The following IQSEC3 variants were observed in gnomAD, a reference collection of about 807,000 sequenced individuals.
The protein encoded by IQSEC3 is IQ motif and SEC7 domain-containing protein 3.
IQSEC3 carries 50 observed loss-of-function variants against 105.4 expected under a neutral mutation model. The observed-to-expected ratio is 0.47, with a 90% confidence interval of 0.38 to 0.60. The LOEUF is 0.60. IQSEC3 is among the 20% of genes least tolerant of loss of function. The pLI, the probability that IQSEC3 is intolerant of heterozygous loss-of-function variation, is 0.00. For missense variants in IQSEC3, 1,415 were observed against 1,630.0 expected (o/e 0.87, Z 2.27); for synonymous variants, 708 against 746.0 (o/e 0.95, Z 0.83).
At chr12:162,181 T>A in intron 8 of IQSEC3, 116 bp downstream of exon 8, 1 of 1,216,330 alleles carries the variant, frequency 8.2e-7, no homozygotes, top group Non-Finnish European at 1.2e-6. Flanking sequence ...ATTCACATGA[T>A]AGTTATGAAG....
intron 2 of IQSEC3, among the ~76,000 whole-genome samples, chr12:101,953 C>T (rs1864435781): frequency 6.6e-6 from 1 of 152,220 alleles, no homozygotes; most frequent in South Asian, 2.1e-4. Context: ...CACAACTTCC[C>T]AGTAAGCTCC....
rs56886401 is a variant in IQSEC3, at chr12:91,333, C to T, written c.555-7813C>T. On this transcript the variant is annotated intron_variant, in intron 1 of 13. Coordinates refer to ENST00000538872, the MANE Select transcript of IQSEC3 (RefSeq NM_001170738.2). ...TAAATATAGATGTGGGAAGTTACAGCGCACAGCCTCCTGTAATCCTGTGAG... is the reference window on the plus strand; with the variant it reads ...TAAATATAGATGTGGGAAGTTACAGTGCACAGCCTCCTGTAATCCTGTGAG... Among the ~76,000 whole-genome samples, 1,252 of 152,296 alleles carry T rather than the reference C, an allele frequency of 8.2e-3. 22 individuals are homozygous for T. Among genetic ancestry groups the T allele is most frequent in the African/African-American group, 0.029 (1,193 of 41,552 alleles).
intron 4 of IQSEC3, chr12:139,946 G>C (rs1337085938): frequency 6.6e-6 from 1 of 152,348 alleles, no homozygotes; most frequent in Non-Finnish European, 1.5e-5. Flanking sequence ...GCGAGACCGG[G>C]ACTGGTCCTG....
At chr12:174,477 G>A (rs1055708326) in intron 13 of IQSEC3, 122 bp from the exon 14 acceptor site, 122 of 901,870 alleles carry the variant, frequency 1.4e-4, no homozygotes, top group Non-Finnish European at 1.8e-4. Flanking sequence ...GAGAGATGGC[G>A]AGAGGGTCAG....
At chr12:116,695 C>T (rs1456945801) in intron 2 of IQSEC3, among the ~76,000 whole-genome samples, 2 of 152,240 alleles carry the variant, frequency 1.3e-5, no homozygotes, top group African/African-American at 4.8e-5. Context: ...ACTTCCCTGA[C>T]CCTTTGGGAT....
chr12:79,182 G>A (rs4390398), intron 1 of IQSEC3, among the ~76,000 whole-genome samples: 3 of 151,886 alleles, frequency 2.0e-5, no homozygotes, highest in South Asian at 2.1e-4. Flanking sequence ...GCCCTGCAGC[G>A]CAGGGGCTGT....
At chr12:82,521 A>C (rs376883986) in intron 1 of IQSEC3, among the ~76,000 whole-genome samples, 7 of 152,196 alleles carry the variant, frequency 4.6e-5, no homozygotes. Context: ...TTTCAGCAGC[A>C]TGTCAGCTAA....
In IQSEC3 at chr12:139,237, T is replaced by A. The variant is rs782080902; in HGVS notation, c.1874T>A (p.Met625Lys). Reference protein sequence around the residue: ...ASASKDALQAMILSLPRYHCE... With the variant: ...ASASKDALQAKILSLPRYHCE... ...GCCTCCAAGGACGCCCTGCAGGCCATGATCCTGAGCCTGCCGCGCTACCAC... is the reference window on the plus strand; with the variant it reads ...GCCTCCAAGGACGCCCTGCAGGCCAAGATCCTGAGCCTGCCGCGCTACCAC... Residue 625 changes from methionine (M) to lysine (K), a missense_variant, in exon 4 of 14, where the codon ATG becomes AAG. Coordinates refer to ENST00000538872, the MANE Select transcript of IQSEC3 (RefSeq NM_001170738.2). 5.0e-6 allele frequency: 8 copies of A among 1,601,438 alleles called. No individual in the cohort carries two copies. The South Asian group carries it at 8.9e-5, about 18-fold the overall frequency.
chr12:141,627 A>C, intron 5 of IQSEC3: 1 of 263,024 alleles, frequency 3.8e-6, no homozygotes, highest in Non-Finnish European at 7.2e-6. Context: ...ACTGGGGTTC[A>C]TCTCTGCCTG....
chr12:125,792 GGCTGGCCCCCAGCACAAGGCCTCCCCC>G lies in IQSEC3; in HGVS notation c.785_811del (p.Ala262_Pro270del), dbSNP rs782792568. 1 of 1,522,110 alleles carries G rather than the reference GGCTGGCCCCCAGCACAAGGCCTCCCCC, an allele frequency of 6.6e-7. No homozygotes were observed. Among genetic ancestry groups the G allele is most frequent in the South Asian group, 1.2e-5 (1 of 82,334 alleles). 94.3% of individuals were successfully genotyped at this position (1,522,110 alleles called of 1,614,324 possible). On this transcript the variant is annotated inframe_deletion, in exon 3 of 14. Coordinates refer to ENST00000538872, the MANE Select transcript of IQSEC3 (RefSeq NM_001170738.2). ...CGGGGGCAGGGGCTGCCTCCCCAAG[GGCTGGCCCCCAGCACAAGGCCTCCCCC>G]GGCCGGCAGCAGCCTGCCCTGGCGA...
intron 1 of IQSEC3, among the ~76,000 whole-genome samples, chr12:91,881 T>C (rs910144438): frequency 6.6e-6 from 1 of 152,160 alleles, no homozygotes; most frequent in African/African-American, 2.4e-5. Context: ...GTGCAGACCA[T>C]TGACTCCCAT....
At chr12:128,479 G>A (rs954851475) in intron 3 of IQSEC3, among the ~76,000 whole-genome samples, 168 of 152,146 alleles carry the variant, frequency 1.1e-3, no homozygotes, top group African/African-American at 3.9e-3. Flanking sequence ...CAGTGATTCC[G>A]CCAGCCACAC....
intron 3 of IQSEC3, among the ~76,000 whole-genome samples, chr12:133,504 G>C (rs1053927057): frequency 2.0e-5 from 3 of 152,222 alleles, no homozygotes; most frequent in Non-Finnish European, 2.9e-5. Context: ...CCTCTTCCTT[G>C]CTGGTTGGCC....
intron 2 of IQSEC3, among the ~76,000 whole-genome samples, chr12:112,519 C>T (rs1019205609): frequency 1.3e-5 from 2 of 152,016 alleles, no homozygotes; most frequent in African/African-American, 2.4e-5. Context: ...GGAAGGGAGC[C>T]GAGGGGAAGG....
At chr12:133,482 G>A (rs1358338521) in intron 3 of IQSEC3, among the ~76,000 whole-genome samples, 1 of 152,232 alleles carries the variant, frequency 6.6e-6, no homozygotes, top group Non-Finnish European at 1.5e-5. Flanking sequence ...TGAGTGACAA[G>A]CCCCAGATCT....
chr12:79,525 C>T (rs112469599), intron 1 of IQSEC3, among the ~76,000 whole-genome samples: 3,479 of 152,178 alleles, frequency 0.023, 154 homozygotes, highest in African/African-American at 0.079. Context: ...CGAACTCCTG[C>T]GCTCAAGTGA....
intron 3 of IQSEC3, among the ~76,000 whole-genome samples, chr12:128,442 T>G (rs1030469691): frequency 6.6e-6 from 1 of 152,050 alleles, no homozygotes; most frequent in Admixed American, 6.5e-5. Flanking sequence ...TAGGTCTCTT[T>G]GAGATCTAAC....
intron 1 of IQSEC3, among the ~76,000 whole-genome samples, chr12:68,284 G>T (rs1863177542): frequency 6.6e-6 from 1 of 152,054 alleles, no homozygotes; most frequent in African/African-American, 2.4e-5. Context: ...AGGGAGCAAT[G>T]ACATGGGGGA....
Position 139,010 on chromosome 12 carries a change from A to G in IQSEC3, c.1647A>G (p.Ser549=). 6.6e-7 allele frequency: 1 copy of G among 1,516,704 alleles called. No homozygotes were observed. The highest frequency in any genetic ancestry group is 1.4e-5 in the African/African-American group (1 of 72,318). 94.0% of individuals were successfully genotyped at this position (1,516,704 alleles called of 1,614,324 possible). Residue 549 remains serine, a synonymous_variant, in exon 4 of 14, where the codon TCA becomes TCG. Transcript: ENST00000538872. ...EAPAVGREDA[S]AEDSCAEAAA... ...CCGCCGTGGGCCGGGAGGACGCGTC[A>G]GCCGAGGACTCATGCGCAGAGGCTG...
Sources: gnomAD v4.1 joint callset for allele counts (sites outside exome capture counted in the v4.1 genomes callset) on GRCh38, gnomAD v4.1.1 for gene constraint, MANE v1.5 for transcripts, NCBI Gene and HGNC (gene_info 2026-07-23, HGNC 2026-07-21) for gene names.